TAF2: variants seen among roughly 807,000 people sequenced by gnomAD.
TAF2 encodes TATA-box binding protein associated factor 2.
In TAF2, 61 loss-of-function variants were observed where a neutral mutation model predicts 138.5. That is an observed-to-expected ratio of 0.44 (90% confidence interval 0.36 to 0.54). The LOEUF (loss-of-function observed/expected upper bound fraction) is 0.54. Among genes scored for constraint, TAF2 ranks in the 20% least tolerant of loss-of-function variants. The pLI, the probability that TAF2 is intolerant of heterozygous loss-of-function variation, is 0.00. For synonymous variants in TAF2, 475 were observed against 469.9 expected (o/e 1.01, Z -0.14); for missense variants, 1,090 against 1,427.9 (o/e 0.76, Z 3.81).
intron 3 of TAF2, among the ~76,000 whole-genome samples, chr8:119,810,095 T>C (rs1158585887): frequency 6.6e-6 from 1 of 151,304 alleles, no homozygotes. Flanking sequence ...TAAATTATCA[T>C]ACAATTAAAA....
chr8:119,798,630 G>C (rs1824003273), intron 6 of TAF2, among the ~76,000 whole-genome samples: 1 of 152,150 alleles, frequency 6.6e-6, no homozygotes, highest in Admixed American at 6.5e-5. Flanking sequence ...AAAAAGGTAT[G>C]ATCAGAGAAA....
At position 119,755,695 on chromosome 8, in the gene TAF2, C is replaced by T. The variant is rs114969663; in HGVS notation, c.2878+311G>A. Among the ~76,000 whole-genome samples the T allele has an allele frequency of 9.1e-3, 1,392 of 152,194 alleles. 20 individuals are homozygous for T. Among genetic ancestry groups the T allele is most frequent in the African/African-American group, 0.032 (1,327 of 41,528 alleles). On this transcript the variant is annotated intron_variant, in intron 22 of 25. Coordinates refer to ENST00000378164, the MANE Select transcript of TAF2 (RefSeq NM_003184.4). ...TGGCCAGGGAAAGACGTGAGACTTA[C>T]TTTTCACTCCTTTGTAACTTTCTGA...
chr8:119,806,167 G>C, intron 4 of TAF2, 116 bp downstream of exon 4: 1 of 920,380 alleles, frequency 1.1e-6, no homozygotes, highest in Non-Finnish European at 1.8e-6. Flanking sequence ...CTCCCAAAGT[G>C]CTGGGATTAC....
At chr8:119,781,462 G>C (rs1822646886) in intron 16 of TAF2, among the ~76,000 whole-genome samples, 1 of 152,096 alleles carries the variant, frequency 6.6e-6, no homozygotes, top group South Asian at 2.1e-4. Flanking sequence ...TGAATCACCT[G>C]AGGTCAGGAG....
intron 22 of TAF2, among the ~76,000 whole-genome samples, chr8:119,754,412 G>A (rs113798728): frequency 0.013 from 2,042 of 152,288 alleles, 26 homozygotes; most frequent in Admixed American, 0.022. Flanking sequence ...TAGGCCAGGC[G>A]TGGTGGCTCA....
chr8:119,809,327 G>C (rs1824877213), intron 3 of TAF2, among the ~76,000 whole-genome samples: 1 of 152,170 alleles, frequency 6.6e-6, no homozygotes, highest in Admixed American at 6.5e-5. Context: ...CAGAACTGAA[G>C]AGAGTTAAGC....
chr8:119,760,525 C>A, intron 20 of TAF2, 74 bp downstream of exon 20: 3 of 1,557,156 alleles, frequency 1.9e-6, no homozygotes, highest in South Asian at 1.1e-5. Flanking sequence ...ATTACGAAAA[C>A]CCCAACAACA....
intron 22 of TAF2, among the ~76,000 whole-genome samples, chr8:119,754,008 G>C (rs1019252422): frequency 6.6e-6 from 1 of 152,068 alleles, no homozygotes; most frequent in Admixed American, 6.6e-5. Flanking sequence ...AAAACATTAT[G>C]TAAAAAGCAG....
In TAF2 at chr8:119,831,709, T is replaced by C; in HGVS notation, c.106A>G (p.Asn36Asp). 6.2e-7 allele frequency: 1 copy of C among 1,604,538 alleles called. No individual in the cohort carries two copies. Among genetic ancestry groups the C allele is most frequent in the Non-Finnish European group, 8.5e-7 (1 of 1,173,996 alleles). Residue 36 changes from asparagine (N) to aspartate (D), a missense_variant, in exon 2 of 26, where the codon AAC (asparagine) becomes GAC (aspartate). Asn to Asp is a conservative substitution (Grantham distance 23). Coordinates refer to ENST00000378164, the MANE Select transcript of TAF2 (RefSeq NM_003184.4). ...GATTTTCTCTGGAAATTTATGTTGT[T>C]GATGCAGACGACCTGATGGGTTGTA... ...YKLTHQVVCINNINFQRKSVV... is the reference protein window; with the variant it reads ...YKLTHQVVCIDNINFQRKSVV...
intron 25 of TAF2, among the ~76,000 whole-genome samples, chr8:119,741,425 A>C (rs529472390): frequency 1.3e-5 from 2 of 152,352 alleles, no homozygotes; most frequent in African/African-American, 4.8e-5. Context: ...AAATTACACC[A>C]AAACCAAAAG....
intron 12 of TAF2, among the ~76,000 whole-genome samples, 183 bp downstream of exon 12, chr8:119,789,409 T>C (rs1823260837): frequency 1.3e-5 from 2 of 152,182 alleles, no homozygotes; most frequent in Admixed American, 6.5e-5. Flanking sequence ...GTGTGCACCT[T>C]AATGTCTAGT....
chr8:119,826,287 A>C (rs1419153249), intron 2 of TAF2, among the ~76,000 whole-genome samples: 3 of 151,666 alleles, frequency 2.0e-5, no homozygotes, highest in Non-Finnish European at 4.4e-5. Context: ...AGAAACAAAC[A>C]AACAAAAAAA....
intron 23 of TAF2, 57 bp downstream of exon 23, chr8:119,746,648 T>C: frequency 1.3e-6 from 2 of 1,556,744 alleles, no homozygotes; most frequent in Admixed American, 1.7e-5. Context: ...AACAATTCTC[T>C]TCTCTAGATC....
At chr8:119,786,481 A>G (rs746958786) in intron 14 of TAF2, among the ~76,000 whole-genome samples, 3 of 152,236 alleles carry the variant, frequency 2.0e-5, no homozygotes, top group Non-Finnish European at 4.4e-5. Context: ...ACCTTCAAAC[A>G]AAATGAGGAT....
chr8:119,805,235 C>G (rs1257658440), intron 4 of TAF2, among the ~76,000 whole-genome samples: 1 of 152,170 alleles, frequency 6.6e-6, no homozygotes, highest in East Asian at 1.9e-4. Context: ...GCTTTAACTT[C>G]ACCAATAATT....
At position 119,778,092 on chromosome 8, in the gene TAF2, T is replaced by A; in HGVS notation, c.2291A>T (p.His764Leu). The change falls in exon 18 of 26, where the codon CAT becomes CTT. Residue 764 changes from histidine to leucine, a missense_variant. Transcript: ENST00000378164. ...TAAGACTTCTTTAGGACAAAGATTA[T>A]GAACATCTCTTAATAAAGCCATTGC... ...PVAMALLRDV[H>L]NLCPKEVLTF... 6.2e-7 allele frequency: 1 copy of A among 1,602,508 alleles called. No homozygotes were observed. Among genetic ancestry groups the A allele is most frequent in the East Asian group, 2.2e-5 (1 of 44,742 alleles).
chr8:119,744,795 G>T, intron 23 of TAF2: 1 of 412,628 alleles, frequency 2.4e-6, no homozygotes, highest in Admixed American at 2.7e-5. Context: ...TTCCTGCTAA[G>T]GAAAAACCAC....
intron 23 of TAF2, 138 bp downstream of exon 23, chr8:119,746,567 T>A (rs1385740229): frequency 2.2e-6 from 2 of 897,956 alleles, no homozygotes; most frequent in African/African-American, 3.3e-5. Context: ...ACTAATCAAA[T>A]GTCAGCCAGC....
rs1457480672 is a variant in TAF2, at chr8:119,737,644, G to T, written c.3337+4890C>A. Among the ~76,000 whole-genome samples, 38 of 151,684 alleles carry T rather than the reference G, an allele frequency of 2.5e-4. 2 individuals carry two copies. The highest frequency in any genetic ancestry group is 1.5e-5 in the Non-Finnish European group (1 of 67,932). ...CTGCCTCAGCCTCCCGAGTAGCTAG[G>T]ATTACAGGTGCGTACCACCATGCCC... On this transcript the variant is annotated intron_variant, in intron 25 of 25. Transcript: ENST00000378164.
Sources: gnomAD v4.1 joint callset for allele counts (sites outside exome capture counted in the v4.1 genomes callset) on GRCh38, gnomAD v4.1.1 for gene constraint, MANE v1.5 for transcripts, NCBI Gene and HGNC (gene_info 2026-07-23, HGNC 2026-07-21) for gene names.